The following CHLSN variants were observed in gnomAD, a reference collection of about 807,000 sequenced individuals.
CHLSN encodes the protein protein cholesin.
the CHLSN span, among the ~76,000 whole-genome samples, chr7:993,108 C>T: frequency 6.6e-6 from 1 of 152,166 alleles, no homozygotes. Flanking sequence ...GGGTTTGAGG[C>T]TGCACTCAGC....
the CHLSN span, chr7:997,650 C>T: frequency 2.8e-4 from 443 of 1,608,682 alleles, 1 homozygote; most frequent in African/African-American, 3.3e-3. Context: ...CAGCACCTGT[C>T]GGATGCGCTG....
the CHLSN span, among the ~76,000 whole-genome samples, chr7:1,133,392 C>CAAAAAAAAAAAAAAAAAAAA: frequency 1.1e-5 from 1 of 91,106 alleles, no homozygotes; most frequent in African/African-American, 4.0e-5. Flanking sequence ...CGATATACTG[C>CAAAAAAAAAAAAAAAAAAAA]AAAAAAAAAA....
chr7:1,027,761 A>G, the CHLSN span, among the ~76,000 whole-genome samples: 3 of 152,380 alleles, frequency 2.0e-5, no homozygotes, highest in Admixed American at 2.0e-4. Flanking sequence ...ACCCCGGCAC[A>G]GGGAGGGGCG....
At chr7:982,596 A>G in the CHLSN span, among the ~76,000 whole-genome samples, 1 of 152,336 alleles carries the variant, frequency 6.6e-6, no homozygotes, top group African/African-American at 2.4e-5. Flanking sequence ...GCAGGCTGCT[A>G]CCTGGGGCGA....
At chr7:1,055,456 A>C in the CHLSN span, 4 of 462,734 alleles carry the variant, frequency 8.6e-6, no homozygotes, top group Middle Eastern at 4.9e-4. Context: ...GGCCCACAGC[A>C]CCAAGAGGCT....
the CHLSN span, chr7:1,000,543 TG>T: frequency 6.2e-7 from 1 of 1,606,044 alleles, no homozygotes; most frequent in South Asian, 1.1e-5. Context: ...CTTGTGCTTT[TG>T]GGCCCATCTA....
the CHLSN span, among the ~76,000 whole-genome samples, chr7:1,002,880 G>T: frequency 5.7e-5 from 6 of 105,008 alleles, no homozygotes; most frequent in Non-Finnish European, 9.9e-5. Flanking sequence ...TCCTGTGGGT[G>T]GGGAGTCCTT....
the CHLSN span, among the ~76,000 whole-genome samples, chr7:1,015,989 T>C: frequency 6.6e-6 from 1 of 152,044 alleles, no homozygotes; most frequent in Admixed American, 6.6e-5. Flanking sequence ...GACCATCTAG[T>C]GTCTGAGGTG....
chr7:1,136,369 A>AATAAAC, the CHLSN span, among the ~76,000 whole-genome samples: 53 of 97,420 alleles, frequency 5.4e-4, 5 homozygotes, highest in African/African-American at 2.9e-3. Flanking sequence ...CATATATATA[A>AATAAAC]ATATATATAA....
the CHLSN span, among the ~76,000 whole-genome samples, chr7:980,823 G>A: frequency 6.6e-6 from 1 of 151,872 alleles, no homozygotes; most frequent in East Asian, 2.0e-4. Flanking sequence ...GAGTAGCTGG[G>A]ACTACAGGCG....
the CHLSN span, among the ~76,000 whole-genome samples, chr7:1,059,794 G>A: frequency 1.3e-3 from 57 of 44,102 alleles, no homozygotes; most frequent in Non-Finnish European, 2.3e-3. Context: ...GCGGGTCTTA[G>A]GCAGGCCCGT....
At chr7:983,510 C>A in the CHLSN span, 2 of 985,790 alleles carry the variant, frequency 2.0e-6, no homozygotes, top group Non-Finnish European at 2.7e-6. Flanking sequence ...CAGCGGGGCA[C>A]GCAGGAGGCC....
chr7:1,136,536 A>G, the CHLSN span, among the ~76,000 whole-genome samples: 2 of 127,814 alleles, frequency 1.6e-5, no homozygotes, highest in Non-Finnish European at 3.2e-5. Flanking sequence ...ATAAACATAT[A>G]TATGAACATA....
At chr7:986,272 G>A in the CHLSN span, 2 of 247,396 alleles carry the variant, frequency 8.1e-6, no homozygotes, top group Admixed American at 5.1e-5. Flanking sequence ...GCTCAGTGGC[G>A]GCCCTGACTC....
chr7:1,033,254 C>T, the CHLSN span, among the ~76,000 whole-genome samples: 16,263 of 152,292 alleles, frequency 0.11, 1,151 homozygotes, highest in Middle Eastern at 0.2. Flanking sequence ...GGAAGGCTCG[C>T]TCACTATTTA....
At chr7:1,078,408 G>A in the CHLSN span, among the ~76,000 whole-genome samples, 1 of 152,108 alleles carries the variant, frequency 6.6e-6, no homozygotes, top group Admixed American at 6.5e-5. Flanking sequence ...TGCGAAGGGG[G>A]CCCCATGAGG....
the CHLSN span, among the ~76,000 whole-genome samples, chr7:1,067,088 G>A: frequency 2.0e-4 from 29 of 148,230 alleles, no homozygotes; most frequent in African/African-American, 7.3e-4. Flanking sequence ...GTGAGGGTTT[G>A]GGGCACAGTC....
At chr7:1,136,387 A>T in the CHLSN span, among the ~76,000 whole-genome samples, 528 of 26,546 alleles carry the variant, frequency 0.02, 63 homozygotes, top group African/African-American at 0.21. Flanking sequence ...TAAATATATA[A>T]ACATATATAT....
At chr7:1,015,932 ACTC>A in the CHLSN span, among the ~76,000 whole-genome samples, 155 of 151,924 alleles carry the variant, frequency 1.0e-3, no homozygotes, top group Admixed American at 2.6e-3. Flanking sequence ...AGACGGAAAT[ACTC>A]CTGACGCCCC....
Sources: gnomAD v4.1 joint callset for allele counts (sites outside exome capture counted in the v4.1 genomes callset) on GRCh38, gnomAD v4.1.1 for gene constraint, MANE v1.5 for transcripts, NCBI Gene and HGNC (gene_info 2026-07-23, HGNC 2026-07-21) for gene names.